Variants in TMEM178B observed in about 807,000 individuals in gnomAD.
The protein encoded by TMEM178B is transmembrane protein 178B.
Under a neutral mutation model 31.0 loss-of-function variants are expected in TMEM178B, and 5 were observed. The observed-to-expected ratio is 0.16, with a 90% confidence interval of 0.08 to 0.34. TMEM178B has a LOEUF of 0.34. Ranked by LOEUF, TMEM178B falls within the 10% of genes least tolerant of loss-of-function variation. TMEM178B has a pLI of 1.00. For missense variants in TMEM178B, 275 were observed against 400.3 expected, an observed-to-expected ratio of 0.69 and a Z score of 2.67; for synonymous variants, 164 against 164.0, an observed-to-expected ratio of 1.00 and a Z score of 0.00.
chr7:141,142,735 C>G (rs11981408), intron 1 of TMEM178B, among the ~76,000 whole-genome samples: 9,237 of 152,266 alleles, frequency 0.061, 940 homozygotes, highest in African/African-American at 0.21. Context: ...TGGATGTATT[C>G]CCAGTAATGG....
intron 2 of TMEM178B, among the ~76,000 whole-genome samples, chr7:141,314,744 T>G (rs1277922253): frequency 6.6e-6 from 1 of 152,226 alleles, no homozygotes; most frequent in African/African-American, 2.4e-5. Flanking sequence ...TCAATGGCTC[T>G]TGTGTCTCTC....
At chr7:141,193,092 GC>G (rs1300647868) in intron 1 of TMEM178B, among the ~76,000 whole-genome samples, 2 of 152,150 alleles carry the variant, frequency 1.3e-5, no homozygotes, top group Non-Finnish European at 1.5e-5. Flanking sequence ...CTCCAGTCAA[GC>G]CCTGCCCCTG....
At chr7:141,329,822 G>T (rs906391150) in intron 2 of TMEM178B, among the ~76,000 whole-genome samples, 17 of 152,210 alleles carry the variant, frequency 1.1e-4, no homozygotes, top group African/African-American at 4.1e-4. Flanking sequence ...AAATAAAATA[G>T]GAGATGTGAT....
intron 2 of TMEM178B, among the ~76,000 whole-genome samples, chr7:141,274,612 A>T (rs943245564): frequency 6.6e-6 from 1 of 152,230 alleles, no homozygotes; most frequent in African/African-American, 2.4e-5. Context: ...ATGGCAACCC[A>T]ATCTGCAGGT....
At chr7:141,383,020 T>C (rs1800351572) in intron 2 of TMEM178B, among the ~76,000 whole-genome samples, 1 of 152,178 alleles carries the variant, frequency 6.6e-6, no homozygotes, top group South Asian at 2.1e-4. Flanking sequence ...AGCAAACTCA[T>C]TGCTATGCCC....
chr7:141,326,235 T>C (rs773967776), intron 2 of TMEM178B, among the ~76,000 whole-genome samples: 9 of 152,204 alleles, frequency 5.9e-5, no homozygotes, highest in Non-Finnish European at 1.3e-4. Context: ...CTCTTTTTCT[T>C]TCTTTTTTAT....
intron 2 of TMEM178B, among the ~76,000 whole-genome samples, chr7:141,220,427 G>A (rs1797239338): frequency 6.6e-6 from 1 of 151,960 alleles, no homozygotes; most frequent in Non-Finnish European, 1.5e-5. Flanking sequence ...CCTGGCTGGG[G>A]GTCAGTGATT....
At chr7:141,174,072 T>G (rs763608953) in intron 1 of TMEM178B, among the ~76,000 whole-genome samples, 18 of 152,174 alleles carry the variant, frequency 1.2e-4, no homozygotes, top group Non-Finnish European at 2.4e-4. Context: ...ACCCATAATC[T>G]ACATTAGGTA....
chr7:141,307,286 A>G (rs145789080), intron 2 of TMEM178B, among the ~76,000 whole-genome samples: 1 of 152,346 alleles, frequency 6.6e-6, no homozygotes, highest in Admixed American at 6.5e-5. Context: ...AAAAATGGAA[A>G]ATGGATTAAT....
At chr7:141,225,117 T>C (rs1797320027) in intron 2 of TMEM178B, among the ~76,000 whole-genome samples, 1 of 152,130 alleles carries the variant, frequency 6.6e-6, no homozygotes, top group African/African-American at 2.4e-5. Flanking sequence ...AGAGATCTAA[T>C]ACTTCCCCCA....
At chr7:141,251,635 A>G (rs756351813) in intron 2 of TMEM178B, among the ~76,000 whole-genome samples, 1 of 152,198 alleles carries the variant, frequency 6.6e-6, no homozygotes, top group Non-Finnish European at 1.5e-5. Flanking sequence ...AGCGACAGTA[A>G]TAACTCCAGA....
chr7:141,146,716 G>A (rs1375820222), intron 1 of TMEM178B, among the ~76,000 whole-genome samples: 1 of 152,198 alleles, frequency 6.6e-6, no homozygotes, highest in Non-Finnish European at 1.5e-5. Context: ...CTGGGGCTTA[G>A]TGAATGTTGG....
the TMEM178B span, among the ~76,000 whole-genome samples, chr7:141,501,881 T>A: frequency 6.6e-6 from 1 of 151,642 alleles, no homozygotes; most frequent in Non-Finnish European, 1.5e-5. Flanking sequence ...TGTCCCCAGA[T>A]AAAATCTCAC....
chr7:141,101,991 G>GT (rs913544635), intron 1 of TMEM178B, among the ~76,000 whole-genome samples: 18 of 149,332 alleles, frequency 1.2e-4, no homozygotes, highest in East Asian at 2.0e-4. Flanking sequence ...AGTAGATTTT[G>GT]TTTTTTTTCA....
intron 1 of TMEM178B, among the ~76,000 whole-genome samples, chr7:141,168,492 C>G (rs1346134758): frequency 6.6e-6 from 1 of 152,198 alleles, no homozygotes; most frequent in Non-Finnish European, 1.5e-5. Flanking sequence ...CTGATTTCCT[C>G]TTTCAAAAGA....
At chr7:141,087,334 G>A (rs1794805269) in intron 1 of TMEM178B, among the ~76,000 whole-genome samples, 1 of 152,190 alleles carries the variant, frequency 6.6e-6, no homozygotes, top group Admixed American at 6.5e-5. Flanking sequence ...ATGTGTAAGA[G>A]GAGGAAATCA....
intron 2 of TMEM178B, among the ~76,000 whole-genome samples, chr7:141,392,073 G>A (rs1463949405): frequency 7.1e-6 from 1 of 141,532 alleles, no homozygotes; most frequent in Non-Finnish European, 1.5e-5. Flanking sequence ...TTTTTTTTTT[G>A]AGAAACTGCC....
At chr7:141,136,132 A>G (rs761085665) in intron 1 of TMEM178B, among the ~76,000 whole-genome samples, 63 of 152,214 alleles carry the variant, frequency 4.1e-4, no homozygotes, top group Non-Finnish European at 8.1e-4. Context: ...AAAATATACT[A>G]CAAAACTATA....
At chr7:141,341,996 G>A (rs747375624) in intron 2 of TMEM178B, among the ~76,000 whole-genome samples, 1 of 152,102 alleles carries the variant, frequency 6.6e-6, no homozygotes, top group African/African-American at 2.4e-5. Context: ...CACTCAGGCC[G>A]GAGTGCAGTA....
Sources: gnomAD v4.1 joint callset for allele counts (sites outside exome capture counted in the v4.1 genomes callset) on GRCh38, gnomAD v4.1.1 for gene constraint, MANE v1.5 for transcripts, NCBI Gene and HGNC (gene_info 2026-07-23, HGNC 2026-07-21) for gene names.